TMEM132D: variants seen among roughly 807,000 people sequenced by gnomAD.
TMEM132D encodes transmembrane protein 132D, also known as mature OL transmembrane protein.
In TMEM132D, 21 loss-of-function variants were observed where a neutral mutation model predicts 62.3. That is an observed-to-expected ratio of 0.34 (90% CI 0.24 to 0.49). The LOEUF is 0.49. Ranked by LOEUF, TMEM132D falls within the 20% of genes least tolerant of loss-of-function variation. TMEM132D has a pLI of 0.99. For missense variants in TMEM132D, 1,346 were observed against 1,402.8 expected (o/e 0.96, Z 0.65); for synonymous variants, 621 against 575.6 (o/e 1.08, Z -1.13).
intron 1 of TMEM132D, among the ~76,000 whole-genome samples, chr12:129,864,105 T>A (rs1181950363): frequency 1.3e-5 from 2 of 152,062 alleles, no homozygotes; most frequent in Non-Finnish European, 2.9e-5. Context: ...GCACTGCCAC[T>A]CCTATCTTAC....
At chr12:129,467,861 G>A (rs1427788656) in intron 3 of TMEM132D, among the ~76,000 whole-genome samples, 1 of 152,186 alleles carries the variant, frequency 6.6e-6, no homozygotes, top group East Asian at 1.9e-4. Context: ...GGCCACTGAA[G>A]CTTTTCACTC....
In TMEM132D at chr12:129,279,308, G is replaced by A. The variant is rs186546094; in HGVS notation, c.1299+58326C>T. Reference sequence around the variant, plus strand: ...ATTCAGTGGAGTGATAACACGTTAAGTAAGTGTAACTCTAATGGACCTTGG... The same window carrying A: ...ATTCAGTGGAGTGATAACACGTTAAATAAGTGTAACTCTAATGGACCTTGG... On this transcript the variant is annotated intron_variant, in intron 4 of 8. Coordinates refer to ENST00000422113, the MANE Select transcript of TMEM132D (RefSeq NM_133448.3). Among the ~76,000 whole-genome samples, 15 of 152,326 alleles carry A rather than the reference G, an allele frequency of 9.8e-5. No individual in the cohort carries two copies. The East Asian group carries it at 2.9e-3, about 29-fold the overall frequency.
At chr12:129,119,467 T>C (rs1428138231) in intron 5 of TMEM132D, among the ~76,000 whole-genome samples, 1 of 152,226 alleles carries the variant, frequency 6.6e-6, no homozygotes, top group Non-Finnish European at 1.5e-5. Flanking sequence ...TCGTATCTTT[T>C]TCAGCAACAC....
At chr12:129,448,037 C>T (rs989020182) in intron 3 of TMEM132D, among the ~76,000 whole-genome samples, 8 of 152,136 alleles carry the variant, frequency 5.3e-5, no homozygotes, top group Non-Finnish European at 8.8e-5. Context: ...TGCTTGGCTT[C>T]GTAGATGCTC....
At chr12:129,617,565 C>T (rs941755924) in intron 2 of TMEM132D, among the ~76,000 whole-genome samples, 2 of 142,680 alleles carry the variant, frequency 1.4e-5, no homozygotes, top group African/African-American at 2.7e-5. Flanking sequence ...GGTCTTGAGG[C>T]TTCTTTTTCA....
intron 4 of TMEM132D, among the ~76,000 whole-genome samples, chr12:129,229,299 G>A (rs1000321368): frequency 6.6e-6 from 1 of 152,166 alleles, no homozygotes; most frequent in Non-Finnish European, 1.5e-5. Flanking sequence ...ATGCTGTTGA[G>A]TACACTCAGC....
chr12:129,438,282 G>A (rs1593008774), intron 3 of TMEM132D, among the ~76,000 whole-genome samples: 1 of 152,208 alleles, frequency 6.6e-6, no homozygotes, highest in East Asian at 1.9e-4. Context: ...GGGTGAAATG[G>A]TATTTCTGGT....
intron 5 of TMEM132D, among the ~76,000 whole-genome samples, chr12:129,134,950 C>A (rs549373692): frequency 6.6e-6 from 1 of 152,316 alleles, no homozygotes; most frequent in Admixed American, 6.5e-5. Context: ...TGCCCCAAAC[C>A]CACACTGGAC....
At chr12:129,461,557 CATT>C (rs754816125) in intron 3 of TMEM132D, among the ~76,000 whole-genome samples, 4 of 152,112 alleles carry the variant, frequency 2.6e-5, no homozygotes, top group African/African-American at 4.8e-5. Flanking sequence ...AGGATCTCAT[CATT>C]GTTTTGACTT....
intron 5 of TMEM132D, among the ~76,000 whole-genome samples, chr12:129,097,567 CAGG>C (rs1315085388): frequency 6.6e-6 from 1 of 152,138 alleles, no homozygotes; most frequent in Non-Finnish European, 1.5e-5. Flanking sequence ...AGAGAAATAA[CAGG>C]AGAAGGGAAA....
chr12:129,278,349 C>A (rs1372634406), intron 4 of TMEM132D, among the ~76,000 whole-genome samples: 2 of 152,138 alleles, frequency 1.3e-5, no homozygotes, highest in African/African-American at 2.4e-5. Flanking sequence ...ACAGTCCAGG[C>A]TCTGCTACAT....
Position 129,353,118 on chromosome 12 carries a change from C to CTT in TMEM132D, c.1116-15302_1116-15301insAA, listed in dbSNP as rs1421088595. 4.0e-5 allele frequency among the ~76,000 whole-genome samples: 6 copies of CTT among 151,316 alleles called. No homozygotes were observed. In the South Asian group the frequency reaches 8.5e-4, roughly 21 times the overall value. On this transcript the variant is annotated intron_variant, in intron 3 of 8. Transcript: ENST00000422113. Reference sequence around the variant, plus strand: ...CCCTCCCTCCCTCCCTGCCTCCCTCCCTCCCTTCCTTCCTTCTCTCTTCTT... The same window carrying CTT: ...CCCTCCCTCCCTCCCTGCCTCCCTCCTTCTCCCTTCCTTCCTTCTCTCTTCTT...
intron 1 of TMEM132D, among the ~76,000 whole-genome samples, chr12:129,890,953 G>A (rs1874903102): frequency 6.6e-6 from 1 of 152,114 alleles, no homozygotes; most frequent in Non-Finnish European, 1.5e-5. Context: ...AGGCAGCAGG[G>A]GCCTCCCGAA....
chr12:129,513,611 A>C (rs189756803), intron 3 of TMEM132D, among the ~76,000 whole-genome samples: 5,941 of 150,436 alleles, frequency 0.039, 188 homozygotes, highest in East Asian at 0.14. Context: ...CAGCCTCCCG[A>C]GTAGCTGGGA....
chr12:129,637,279 T>C (rs569779442), intron 2 of TMEM132D, among the ~76,000 whole-genome samples: 3 of 152,330 alleles, frequency 2.0e-5, no homozygotes, highest in South Asian at 2.1e-4. Context: ...AAAAACAAAT[T>C]TGTAAATTTG....
chr12:129,087,942 CGGGGTGTCCTCCCTGACCG>C (rs1565959472), intron 5 of TMEM132D, among the ~76,000 whole-genome samples: 2 of 34,642 alleles, frequency 5.8e-5, no homozygotes, highest in South Asian at 1.1e-3. Flanking sequence ...CCTCCATGAC[CGGGGTGTCCTCCCTGACCG>C]GGGTGTCCTC....
intron 4 of TMEM132D, among the ~76,000 whole-genome samples, chr12:129,275,459 C>G (rs544846841): frequency 6.6e-6 from 1 of 152,286 alleles, no homozygotes; most frequent in Admixed American, 6.5e-5. Context: ...TCTATTCACT[C>G]TCTAGTAGAG....
intron 3 of TMEM132D, among the ~76,000 whole-genome samples, chr12:129,470,564 G>A (rs531487369): frequency 3.0e-4 from 45 of 152,226 alleles, no homozygotes; most frequent in African/African-American, 1.0e-3. Flanking sequence ...TGAGGACATC[G>A]CTGCTTGCAC....
intron 3 of TMEM132D, among the ~76,000 whole-genome samples, chr12:129,366,624 C>T (rs371589113): frequency 6.6e-6 from 1 of 152,162 alleles, no homozygotes; most frequent in Non-Finnish European, 1.5e-5. Context: ...ACTAATACGC[C>T]GTGTGAGCTC....
Sources: allele counts gnomAD v4.1 joint callset (sites outside exome capture counted in the v4.1 genomes callset), GRCh38; gene constraint gnomAD v4.1.1; transcripts MANE v1.5; gene names NCBI Gene and HGNC (gene_info 2026-07-23, HGNC 2026-07-21).